The following ATXN8OS variants were observed in gnomAD, a reference collection of about 807,000 sequenced individuals.
ATXN8OS encodes ATXN8 opposite strand (non-protein coding).
chr13:70,168,842 G>T (rs1030933714), intron 4 of ATXN8OS, among the ~76,000 whole-genome samples: 1 of 152,130 alleles, frequency 6.6e-6, no homozygotes, highest in African/African-American at 2.4e-5. Flanking sequence ...TTTTGTGAAT[G>T]TGCAGTAGTC....
chr13:70,114,772 T>C (rs1888249874), intron 1 of ATXN8OS, among the ~76,000 whole-genome samples: 1 of 152,158 alleles, frequency 6.6e-6, no homozygotes, highest in Non-Finnish European at 1.5e-5. Flanking sequence ...CTTATTTAGG[T>C]AGGCATTATA....
rs192027269 is a variant in ATXN8OS, at chr13:70,125,159, A to T, written n.399-4625A>T. Among the ~76,000 whole-genome samples the T allele has an allele frequency of 2.6e-5, 4 of 152,254 alleles. No individual in the cohort carries two copies. In the East Asian group the frequency reaches 7.7e-4, roughly 29 times the overall value. On this transcript the variant is annotated intron_variant and non_coding_transcript_variant, in intron 2 of 4. Coordinates refer to ENST00000678624, the Ensembl canonical transcript of ATXN8OS. ...CCTAATTTTTAAAAATCTTTTCTGTAACTCATTATCTTTGTATCCTCTGCT... is the reference window on the plus strand; with the variant it reads ...CCTAATTTTTAAAAATCTTTTCTGTTACTCATTATCTTTGTATCCTCTGCT...
Position 70,167,730 on chromosome 13 carries a change from T to TG in ATXN8OS, n.574-2023_574-2022insG. On this transcript the variant is annotated intron_variant and non_coding_transcript_variant, in intron 4 of 4. Transcript: ENST00000678624. ...TCACAACATATGTAACTTCTTTTTT[T>TG]TTTTTTTTTTTTTTTTTTTGAGACA... Among the ~76,000 whole-genome samples the TG allele has an allele frequency of 3.0e-5, 2 of 67,534 alleles. 1 individual carries two copies. The highest frequency in any genetic ancestry group is 1.4e-3 in the South Asian group (2 of 1,390). 44.3% of individuals were successfully genotyped at this position (67,534 alleles called of 152,430 possible).
chr13:70,171,648 T>C (rs1438774358), exon 5 of ATXN8OS, among the ~76,000 whole-genome samples: 1 of 152,146 alleles, frequency 6.6e-6, no homozygotes, highest in Non-Finnish European at 1.5e-5. Flanking sequence ...CATTGTGATG[T>C]GAACGATGAC....
chr13:70,137,344 A>G (rs1349608422), intron 3 of ATXN8OS, among the ~76,000 whole-genome samples: 1 of 152,156 alleles, frequency 6.6e-6, no homozygotes, highest in Non-Finnish European at 1.5e-5. Flanking sequence ...GCAGCAGTTT[A>G]TCTATGTGAA....
At chr13:70,127,001 T>G (rs1412459285) in intron 2 of ATXN8OS, among the ~76,000 whole-genome samples, 2 of 151,898 alleles carry the variant, frequency 1.3e-5, no homozygotes, top group Non-Finnish European at 2.9e-5. Context: ...ATGTTTTGGA[T>G]TTATATACAG....
chr13:70,138,323 TA>T (rs10599624), intron 3 of ATXN8OS, among the ~76,000 whole-genome samples: 17,807 of 150,862 alleles, frequency 0.12, 1,352 homozygotes, highest in Non-Finnish European at 0.17. Flanking sequence ...AGATTTAAAT[TA>T]AAAAAAAAAA....
At chr13:70,151,056 G>T (rs1888859061) in intron 4 of ATXN8OS, among the ~76,000 whole-genome samples, 1 of 152,034 alleles carries the variant, frequency 6.6e-6, no homozygotes, top group African/African-American at 2.4e-5. Context: ...TGCTTGCACT[G>T]GTGAAACCAT....
intron 4 of ATXN8OS, among the ~76,000 whole-genome samples, chr13:70,161,123 T>A (rs1423429033): frequency 6.6e-6 from 1 of 151,694 alleles, no homozygotes; most frequent in African/African-American, 2.4e-5. Context: ...AACTAAATAC[T>A]GCAAGATTTA....
intron 2 of ATXN8OS, among the ~76,000 whole-genome samples, chr13:70,129,049 A>G (rs1451869859): frequency 6.6e-6 from 1 of 152,068 alleles, no homozygotes; most frequent in Non-Finnish European, 1.5e-5. Flanking sequence ...TAGTAGAGAC[A>G]GGGTTTCACC....
chr13:70,130,618 A>C (rs1377600967), intron 3 of ATXN8OS: 3 of 397,886 alleles, frequency 7.5e-6, no homozygotes, highest in African/African-American at 6.2e-5. Context: ...ATGGGTAAGT[A>C]ATGCAGAGCA....
intron 3 of ATXN8OS, chr13:70,131,282 A>G (rs557993501): frequency 5.0e-6 from 2 of 398,486 alleles, no homozygotes; most frequent in Non-Finnish European, 8.8e-6. Flanking sequence ...AGTCTATGCT[A>G]TGAACATCTC....
At chr13:70,127,847 A>C (rs1315001324) in intron 2 of ATXN8OS, among the ~76,000 whole-genome samples, 1 of 152,082 alleles carries the variant, frequency 6.6e-6, no homozygotes. Flanking sequence ...AGCAGAGGCT[A>C]AACAGATGAC....
rs931560055 is a variant in ATXN8OS, at chr13:70,111,023, G to A, written n.240+3004G>A. Among the ~76,000 whole-genome samples the A allele has an allele frequency of 2.6e-5, 4 of 152,278 alleles. No homozygotes were observed. In the East Asian group the frequency reaches 5.8e-4, roughly 22 times the overall value. ...ATTGAATTAAATTGAACTGTCAGTTGAATCAATCAGAGTCTTTCAAATGAA... is the reference window on the plus strand; with the variant it reads ...ATTGAATTAAATTGAACTGTCAGTTAAATCAATCAGAGTCTTTCAAATGAA... On this transcript the variant is annotated intron_variant and non_coding_transcript_variant, in intron 1 of 4. Coordinates refer to ENST00000678624, the Ensembl canonical transcript of ATXN8OS.
chr13:70,171,062 G>A lies in ATXN8OS; in HGVS notation n.1883G>A, dbSNP rs147651749. Among the ~76,000 whole-genome samples the A allele has an allele frequency of 1.3e-5, 2 of 152,260 alleles. 1 individual carries two copies. Among genetic ancestry groups the A allele is most frequent in the Non-Finnish European group, 2.9e-5 (2 of 68,002 alleles). Reference sequence around the variant, plus strand: ...CCTTATACAAATTAAATTTAACAGAGTTTAATTGAGCAAAGAACTAGTCAG... The same window carrying A: ...CCTTATACAAATTAAATTTAACAGAATTTAATTGAGCAAAGAACTAGTCAG... On this transcript the variant is annotated non_coding_transcript_exon_variant, in exon 5 of 5. Transcript: ENST00000678624.
chr13:70,125,315 C>T (rs931213430), intron 2 of ATXN8OS, among the ~76,000 whole-genome samples: 3 of 152,112 alleles, frequency 2.0e-5, no homozygotes, highest in African/African-American at 7.2e-5. Flanking sequence ...CATCACCCAA[C>T]TACTTGTCAA....
At chr13:70,145,280 A>G (rs905473683) in intron 3 of ATXN8OS, among the ~76,000 whole-genome samples, 4 of 152,090 alleles carry the variant, frequency 2.6e-5, no homozygotes, top group African/African-American at 9.7e-5. Flanking sequence ...CAAGTCAGGT[A>G]GCGTGATGAC....
intron 2 of ATXN8OS, among the ~76,000 whole-genome samples, chr13:70,120,750 G>C (rs562384266): frequency 1.3e-5 from 2 of 152,086 alleles, no homozygotes; most frequent in African/African-American, 4.8e-5. Flanking sequence ...CATAAAAAAT[G>C]ATGAGTTCAT....
chr13:70,170,455 C>T (rs758905551), exon 5 of ATXN8OS, among the ~76,000 whole-genome samples: 7 of 152,042 alleles, frequency 4.6e-5, no homozygotes, highest in African/African-American at 7.2e-5. Context: ...GAGTAGGCAA[C>T]GCAGTCTGCT....
Sources: allele counts gnomAD v4.1 joint callset (sites outside exome capture counted in the v4.1 genomes callset), GRCh38; gene constraint gnomAD v4.1.1; transcripts MANE v1.5; gene names NCBI Gene and HGNC (gene_info 2026-07-23, HGNC 2026-07-21).